The following STK32B variants were observed in gnomAD, a reference collection of about 807,000 sequenced individuals.
STK32B encodes the protein serine/threonine-protein kinase 32B.
STK32B carries 43 observed loss-of-function variants against 52.6 expected under a neutral mutation model. The ratio of observed to expected loss-of-function variants is 0.82; its 90% CI spans 0.64 to 1.05. The LOEUF (loss-of-function observed/expected upper bound fraction) is 1.05, where lower values mean the gene tolerates loss of function less well. Ranked by LOEUF, STK32B falls within the 50% of genes least tolerant of loss-of-function variation. The pLI, the probability that STK32B is intolerant of heterozygous loss-of-function variation, is 0.00. For missense variants in STK32B, 621 were observed against 534.6 expected, an observed-to-expected ratio of 1.16 and a Z score of -1.59; for synonymous variants, 238 against 204.3, an observed-to-expected ratio of 1.17 and a Z score of -1.41.
At chr4:5,404,219 T>C (rs1737499538) in intron 5 of STK32B, among the ~76,000 whole-genome samples, 1 of 152,098 alleles carries the variant, frequency 6.6e-6, no homozygotes, top group African/African-American at 2.4e-5. Flanking sequence ...AAGTTCAGGA[T>C]CACGGTGTCA....
At chr4:5,348,840 G>C (rs1733641266) in intron 4 of STK32B, among the ~76,000 whole-genome samples, 1 of 152,094 alleles carries the variant, frequency 6.6e-6, no homozygotes, top group African/African-American at 2.4e-5. Flanking sequence ...GCAGCCAAGG[G>C]ACCTGGGGGA....
At chr4:5,491,446 T>G (rs982059199) in intron 11 of STK32B, among the ~76,000 whole-genome samples, 12 of 152,196 alleles carry the variant, frequency 7.9e-5, no homozygotes, top group South Asian at 2.1e-4. Context: ...TCTTGTAAAT[T>G]TGTTTGAGTT....
At chr4:5,046,262 G>C in the STK32B span, among the ~76,000 whole-genome samples, 3 of 152,152 alleles carry the variant, frequency 2.0e-5, no homozygotes, top group Non-Finnish European at 4.4e-5. Context: ...ACAAGCAGTG[G>C]GGAAAGGATC....
intron 3 of STK32B, among the ~76,000 whole-genome samples, chr4:5,177,955 C>G (rs899961994): frequency 1.3e-5 from 2 of 152,188 alleles, no homozygotes; most frequent in African/African-American, 4.8e-5. Flanking sequence ...GTGACTTTTC[C>G]AGGTGCATGG....
At chr4:5,138,907 A>G (rs982168664) in intron 1 of STK32B, among the ~76,000 whole-genome samples, 16 of 152,296 alleles carry the variant, frequency 1.1e-4, no homozygotes, top group African/African-American at 3.6e-4. Context: ...GGGAGGCAGG[A>G]GAAGCAGCTG....
chr4:5,162,112 T>C (rs1364764537), intron 2 of STK32B, among the ~76,000 whole-genome samples: 1 of 152,090 alleles, frequency 6.6e-6, no homozygotes, highest in African/African-American at 2.4e-5. Flanking sequence ...CCTCGAGACT[T>C]TGCACCCCAT....
At chr4:5,355,116 G>A (rs1178216213) in intron 4 of STK32B, among the ~76,000 whole-genome samples, 1 of 152,154 alleles carries the variant, frequency 6.6e-6, no homozygotes, top group Non-Finnish European at 1.5e-5. Context: ...CGTGAAGTTT[G>A]GAGTAATTTG....
chr4:5,163,187 A>G (rs1172087771), intron 2 of STK32B, among the ~76,000 whole-genome samples: 1 of 152,216 alleles, frequency 6.6e-6, no homozygotes, highest in East Asian at 1.9e-4. Context: ...CAGGCAGAGT[A>G]CGTGAAATAT....
intron 1 of STK32B, among the ~76,000 whole-genome samples, chr4:5,101,476 G>A (rs1713785189): frequency 6.6e-6 from 1 of 152,102 alleles, no homozygotes; most frequent in South Asian, 2.1e-4. Context: ...TCACAAGAAG[G>A]GGATGGGTAA....
At chr4:5,369,364 A>G (rs1735079936) in intron 4 of STK32B, among the ~76,000 whole-genome samples, 2 of 151,998 alleles carry the variant, frequency 1.3e-5, no homozygotes, top group African/African-American at 4.8e-5. Flanking sequence ...TAGTTAAGCC[A>G]CAGTCATCTA....
chr4:5,311,902 T>TTATA (rs34791295), intron 3 of STK32B, among the ~76,000 whole-genome samples: 2 of 137,596 alleles, frequency 1.5e-5, no homozygotes, highest in African/African-American at 3.1e-5. Context: ...GTGCATACTT[T>TTATA]TATATATATA....
At chr4:5,343,784 A>G (rs1447413207) in intron 4 of STK32B, among the ~76,000 whole-genome samples, 6 of 152,214 alleles carry the variant, frequency 3.9e-5, no homozygotes, top group Admixed American at 3.3e-4. Flanking sequence ...TGAATAGGCA[A>G]CCTACAAATA....
intron 3 of STK32B, among the ~76,000 whole-genome samples, chr4:5,262,577 A>T (rs902059753): frequency 2.0e-5 from 3 of 151,072 alleles, no homozygotes; most frequent in African/African-American, 7.3e-5. Context: ...GTGAGCAGGG[A>T]TCGTGCCACT....
chr4:5,176,972 C>T (rs1030926039), intron 3 of STK32B, among the ~76,000 whole-genome samples: 2 of 152,140 alleles, frequency 1.3e-5, no homozygotes, highest in African/African-American at 4.8e-5. Flanking sequence ...CCTCACTTGT[C>T]ATAATGACAT....
intron 1 of STK32B, among the ~76,000 whole-genome samples, chr4:5,063,315 T>C (rs1031131123): frequency 4.6e-5 from 7 of 152,228 alleles, no homozygotes; most frequent in African/African-American, 1.7e-4. Context: ...TAATACATTT[T>C]ATTTAACCAA....
At chr4:5,316,311 T>A (rs1355159721) in intron 3 of STK32B, among the ~76,000 whole-genome samples, 4 of 58,530 alleles carry the variant, frequency 6.8e-5, no homozygotes, top group Non-Finnish European at 1.0e-4. Context: ...AATATATATA[T>A]TGTATATTAT....
intron 3 of STK32B, among the ~76,000 whole-genome samples, chr4:5,325,811 T>C (rs1320420339): frequency 1.3e-5 from 2 of 152,180 alleles, no homozygotes; most frequent in Non-Finnish European, 2.9e-5. Context: ...ATGACAATGT[T>C]CAGCACTATT....
Position 5,446,773 on chromosome 4 carries a change from C to T in STK32B, c.663C>T (p.Gly221=). The T allele has an allele frequency of 6.2e-7, 1 of 1,613,936 alleles. No homozygotes were observed. Among genetic ancestry groups the T allele is most frequent in the Non-Finnish European group, 8.5e-7 (1 of 1,179,908 alleles). ...TCACAGCCTATGAGCTGCTGCGGGG[C>T]TGGGTAAGACAGGCACCTGTGCGGT... The part of the protein sequence containing the change: ...LGITAYELLR[G]WRPYEIHSVT... The change falls in exon 7 of 12, where the codon GGC becomes GGT. Residue 221 remains glycine, a synonymous_variant. Transcript: ENST00000282908.
intron 4 of STK32B, among the ~76,000 whole-genome samples, chr4:5,342,310 T>A (rs948592599): frequency 6.6e-5 from 10 of 152,096 alleles, no homozygotes; most frequent in Admixed American, 4.6e-4. Context: ...CAAATATCCA[T>A]CAATGGTAGA....
Sources: gnomAD v4.1 joint callset for allele counts (sites outside exome capture counted in the v4.1 genomes callset) on GRCh38, gnomAD v4.1.1 for gene constraint, MANE v1.5 for transcripts, NCBI Gene and HGNC (gene_info 2026-07-23, HGNC 2026-07-21) for gene names.